Variants in BPNT1 observed in about 807,000 individuals in gnomAD.
BPNT1 encodes 3'(2'), 5'-bisphosphate nucleotidase 1, also known as 3'(2'),5'-bisphosphate nucleotidase 1.
BPNT1 carries 28 observed loss-of-function variants against 36.9 expected under a neutral mutation model. The observed-to-expected ratio is 0.76, with a 90% confidence interval of 0.56 to 1.04. The LOEUF (loss-of-function observed/expected upper bound fraction) is 1.04. Ranked by LOEUF, BPNT1 falls within the 50% of genes least tolerant of loss-of-function variation. The probability of loss-of-function intolerance (pLI) is 0.00; values close to 1 mark genes in which losing one functional copy is unlikely to be tolerated. For missense variants in BPNT1, 313 were observed against 372.9 expected (o/e 0.84, Z 1.32); for synonymous variants, 119 against 130.9 (o/e 0.91, Z 0.62).
At chr1:220,075,766 A>T (rs1313412152) in intron 2 of BPNT1, among the ~76,000 whole-genome samples, 2 of 152,180 alleles carry the variant, frequency 1.3e-5, no homozygotes, top group Non-Finnish European at 2.9e-5. Context: ...CTGTTTTTTT[A>T]AAAATAAGGT....
At chr1:220,080,004 A>C in intron 1 of BPNT1, 150 bp from the exon 2 acceptor site, 2 of 822,676 alleles carry the variant, frequency 2.4e-6, no homozygotes, top group Non-Finnish European at 3.5e-6. Flanking sequence ...ATTTACTAAA[A>C]GAGACTTCGA....
intron 1 of BPNT1, among the ~76,000 whole-genome samples, chr1:220,088,588 G>A (rs562791719): frequency 7.7e-4 from 117 of 151,194 alleles, no homozygotes; most frequent in African/African-American, 2.8e-3. Flanking sequence ...TCAGGAGTTC[G>A]AGACCAGCCT....
At position 220,062,843 on chromosome 1, in the gene BPNT1, G is replaced by C; in HGVS notation, c.586C>G (p.Arg196Gly). The C allele has an allele frequency of 1.9e-6, 3 of 1,614,102 alleles. No individual in the cohort carries two copies. Among genetic ancestry groups the C allele is most frequent in the South Asian group, 1.1e-5 (1 of 91,078 alleles). Residue 196 changes from arginine to glycine, a missense_variant, in exon 7 of 9, where the codon CGA (arginine) becomes GGA (glycine). By Grantham distance (125) the Arg-to-Gly change is moderately radical. Transcript: ENST00000322067. Reference sequence around the variant, plus strand: ...GTAACCAACTTGTTGCTATGGGATCGAGTAGTTGTGATAATGTGTTTCCCA... The same window carrying C: ...GTAACCAACTTGTTGCTATGGGATCCAGTAGTTGTGATAATGTGTTTCCCA... ...PAGKHIITTT[R>G]SHSNKLVTDC...
Position 220,057,932 on chromosome 1 carries a change from C to T in BPNT1, c.*912G>A. On this transcript the variant is annotated 3_prime_UTR_variant, in exon 9 of 9. Coordinates refer to ENST00000322067, the MANE Select transcript of BPNT1 (RefSeq NM_006085.6). ...GTGGCTCACACCTGTAATCCCAGCA[C>T]TTTGGGAGTCCGAGGCAGACAGATC... is the stretch of plus-strand genomic sequence containing the variant. 8.9e-7 allele frequency: 1 copy of T among 1,122,858 alleles called. No individual in the cohort carries two copies. Among genetic ancestry groups the T allele is most frequent in the Non-Finnish European group, 1.2e-6 (1 of 833,286 alleles). The allele number at this position is 1,122,858 out of a possible 1,614,324, so 69.6% of individuals were successfully genotyped here.
At chr1:220,070,763 C>T (rs2102683464) in intron 4 of BPNT1, among the ~76,000 whole-genome samples, 2 of 150,876 alleles carry the variant, frequency 1.3e-5, no homozygotes, top group African/African-American at 4.9e-5. Context: ...TACCTGGCCC[C>T]AGCACCATCT....
In BPNT1 at chr1:220,058,996, T is replaced by C. The variant is rs374751444; in HGVS notation, c.779-4A>G. 1.2e-5 allele frequency: 19 copies of C among 1,612,988 alleles called. No homozygotes were observed. The highest frequency in any genetic ancestry group is 4.0e-5 in the African/African-American group (3 of 74,888). On this transcript the variant is annotated splice_region_variant and splice_polypyrimidine_tract_variant and intron_variant, in intron 8 of 8. Transcript: ENST00000322067. ...CCATGGATATCGGTTAACTTGCCTA[T>C]AGAAAAACATCAATCAATCAATCAA...
At position 220,088,748 on chromosome 1, in the gene BPNT1, C is replaced by T. The variant is rs1437779665; in HGVS notation, c.-9+938G>A. On this transcript the variant is annotated intron_variant, in intron 1 of 8. Transcript: ENST00000322067. ...AAGGTTGCAGTGAGACATAATGGCACCACTGTACTCCAGCCTGGGGGACAG... is the reference window on the plus strand; with the variant it reads ...AAGGTTGCAGTGAGACATAATGGCATCACTGTACTCCAGCCTGGGGGACAG... Among the ~76,000 whole-genome samples the T allele has an allele frequency of 2.0e-5, 3 of 149,196 alleles. No individual in the cohort carries two copies. The East Asian group carries it at 5.9e-4, about 30-fold the overall frequency.
chr1:220,079,961 G>T (rs1461692120), intron 1 of BPNT1, 107 bp from the exon 2 acceptor site: 1 of 1,195,946 alleles, frequency 8.4e-7, no homozygotes, highest in Non-Finnish European at 1.1e-6. Flanking sequence ...ACTTGGGATT[G>T]CTCCCATTAA....
chr1:220,087,073 C>A (rs1261238855), intron 1 of BPNT1, among the ~76,000 whole-genome samples: 1 of 149,350 alleles, frequency 6.7e-6, no homozygotes, highest in East Asian at 2.0e-4. Flanking sequence ...AAAGTTGAGT[C>A]CTTTTTGCAT....
intron 3 of BPNT1, among the ~76,000 whole-genome samples, chr1:220,073,362 C>T (rs1432179419): frequency 1.3e-5 from 2 of 151,820 alleles, no homozygotes; most frequent in African/African-American, 4.8e-5. Context: ...CATCTCAGCT[C>T]ACTGCAACCT....
chr1:220,069,346 C>A, intron 5 of BPNT1, 38 bp downstream of exon 5: 4 of 1,457,834 alleles, frequency 2.7e-6, no homozygotes, highest in Admixed American at 4.1e-5. Context: ...TATCCTTGTC[C>A]CACTACTGTC....
rs34136285 is a variant in BPNT1, at chr1:220,069,388, G to T, written c.378C>A (p.Thr126=). 1.3e-6 allele frequency: 2 copies of T among 1,598,152 alleles called. No homozygotes were observed. Among genetic ancestry groups the T allele is most frequent in the Non-Finnish European group, 1.7e-6 (2 of 1,172,570 alleles). The part of the protein sequence containing the change: ...VDPLDGTKEY[T]EGLLDNVTVL... Reference sequence around the variant, plus strand: ...GAATACAAAAGAGATATCAACCTTCGGTATATTCCTTGGTTCCATCCAGAG... The same window carrying T: ...GAATACAAAAGAGATATCAACCTTCTGTATATTCCTTGGTTCCATCCAGAG... The change falls in exon 5 of 9, where the codon ACC becomes ACA. Residue 126 remains threonine (T), a synonymous_variant. Coordinates refer to ENST00000322067, the MANE Select transcript of BPNT1 (RefSeq NM_006085.6).
intron 1 of BPNT1, among the ~76,000 whole-genome samples, chr1:220,089,445 A>T (rs1448843489): frequency 6.6e-6 from 1 of 152,222 alleles, no homozygotes; most frequent in Non-Finnish European, 1.5e-5. Flanking sequence ...GGGTGCATCA[A>T]CAAACTCAAT....
At chr1:220,084,332 C>CA (rs999325419) in intron 1 of BPNT1, among the ~76,000 whole-genome samples, 201 of 126,748 alleles carry the variant, frequency 1.6e-3, no homozygotes, top group African/African-American at 4.0e-3. Flanking sequence ...GGCTCTGTCT[C>CA]AAAAAAAAAA....
chr1:220,066,115 G>A (rs1285565541), intron 6 of BPNT1: 1 of 1,512,294 alleles, frequency 6.6e-7, no homozygotes, highest in African/African-American at 1.4e-5. Flanking sequence ...GTTTTTCATT[G>A]TTCTGTGGAA....
At chr1:220,059,530 T>C (rs1662828044) in intron 8 of BPNT1, among the ~76,000 whole-genome samples, 156 bp downstream of exon 8, 1 of 152,150 alleles carries the variant, frequency 6.6e-6, no homozygotes, top group South Asian at 2.1e-4. Context: ...CTCTCATCCA[T>C]CTATCATATG....
rs768731729 is a variant in BPNT1 at position 220,079,861 on chromosome 1, A to G, written c.-8-7T>C. ...CTGGAAGCCATGGTACACTCTAAAA[A>G]GAGATCAAGAAAAATGTCTTGTTAG... On this transcript the variant is annotated splice_region_variant and splice_polypyrimidine_tract_variant and intron_variant, in intron 1 of 8. Coordinates refer to ENST00000322067, the MANE Select transcript of BPNT1 (RefSeq NM_006085.6). 2.4e-5 allele frequency: 39 copies of G among 1,605,930 alleles called. No individual in the cohort carries two copies. The South Asian group carries it at 4.4e-4, about 18-fold the overall frequency.
intron 2 of BPNT1, among the ~76,000 whole-genome samples, chr1:220,074,674 TTAG>T (rs998755821): frequency 2.6e-5 from 4 of 151,904 alleles, no homozygotes; most frequent in African/African-American, 9.7e-5. Flanking sequence ...TTTTTGTATC[TTAG>T]TAGAGACAGG....
chr1:220,085,005 C>T (rs1475177110), intron 1 of BPNT1, among the ~76,000 whole-genome samples: 1 of 151,544 alleles, frequency 6.6e-6, no homozygotes, highest in Non-Finnish European at 1.5e-5. Flanking sequence ...TGAAATAGTA[C>T]TATGCCCTAG....
Sources: gnomAD v4.1 joint callset for allele counts (sites outside exome capture counted in the v4.1 genomes callset) on GRCh38, gnomAD v4.1.1 for gene constraint, MANE v1.5 for transcripts, NCBI Gene and HGNC (gene_info 2026-07-23, HGNC 2026-07-21) for gene names.